Variants in ADAMTS2 observed in about 807,000 individuals in gnomAD.
The protein encoded by ADAMTS2 is A disintegrin and metalloproteinase with thrombospondin motifs 2.
A neutral mutation model predicts 123.0 loss-of-function variants in ADAMTS2; 50 were observed. The observed-to-expected ratio is 0.41, with a 90% CI of 0.32 to 0.51. ADAMTS2 has a LOEUF of 0.51. Among genes scored for constraint, ADAMTS2 ranks in the 20% least tolerant of loss-of-function variants. The pLI is 0.35. For missense variants in ADAMTS2, 1,494 were observed against 1,705.2 expected (o/e 0.88, Z 2.18); for synonymous variants, 678 against 695.4 (o/e 0.98, Z 0.39).
chr5:179,165,627 C>A (rs894945751), intron 5 of ADAMTS2, among the ~76,000 whole-genome samples: 4 of 152,160 alleles, frequency 2.6e-5, no homozygotes, highest in Non-Finnish European at 5.9e-5. Context: ...GGGGCAGCCG[C>A]GGGCACCCAG....
intron 2 of ADAMTS2, among the ~76,000 whole-genome samples, chr5:179,318,110 C>A (rs1014175813): frequency 6.6e-6 from 1 of 152,212 alleles, no homozygotes; most frequent in Admixed American, 6.5e-5. Flanking sequence ...CCAGGAGGAA[C>A]ACAGCAGGCC....
intron 3 of ADAMTS2, among the ~76,000 whole-genome samples, chr5:179,266,019 A>G (rs2113499441): frequency 6.6e-6 from 1 of 152,266 alleles, no homozygotes; most frequent in African/African-American, 2.4e-5. Flanking sequence ...TATGAGAGAG[A>G]GCACCTATCA....
chr5:179,278,247 CG>C (rs1389362315), intron 2 of ADAMTS2, among the ~76,000 whole-genome samples: 3 of 148,498 alleles, frequency 2.0e-5, no homozygotes, highest in Non-Finnish European at 4.5e-5. Flanking sequence ...ATGCTCGGGG[CG>C]GGGGGCACTT....
chr5:179,189,350 AT>A lies in ADAMTS2; in HGVS notation c.892-8196del, dbSNP rs35847485. On this transcript the variant is annotated intron_variant, in intron 4 of 21. Transcript: ENST00000251582. The surrounding 1 kb of genome is among the most constrained non-coding windows in gnomAD (Gnocchi z 4.2). Reference sequence around the variant, plus strand: ...GGGATAGACGGTGGAGTTAGGAGCAATTTTTTTTTTTTTTTGAGACGGAGTC... The same window carrying A: ...GGGATAGACGGTGGAGTTAGGAGCAATTTTTTTTTTTTTTGAGACGGAGTC... Among the ~76,000 whole-genome samples the A allele has an allele frequency of 0.11, 16,035 of 141,514 alleles. 887 individuals carry two copies. Among genetic ancestry groups the A allele is most frequent in the Middle Eastern group, 0.15 (42 of 278 alleles). The allele number at this position is 141,514 out of a possible 152,430, so 92.8% of individuals were successfully genotyped here. A position where few individuals can be genotyped will look rare whatever the true frequency, so the allele number is the denominator to read the frequency against.
rs570093503 is a variant in ADAMTS2 at position 179,227,900 on chromosome 5, G to C, written c.689-20185C>G. ...GCCAGGAAGGAGGGTGGAAGGCAGG[G>C]GAGGCAGCGTGTGGACAAAGACTGA... On this transcript the variant is annotated intron_variant, in intron 3 of 21. Coordinates refer to ENST00000251582, the MANE Select transcript of ADAMTS2 (RefSeq NM_014244.5). Among the ~76,000 whole-genome samples, 6 of 152,282 alleles carry C rather than the reference G, an allele frequency of 3.9e-5. No homozygotes were observed. In the South Asian group the frequency reaches 1.2e-3, roughly 32 times the overall value.
At chr5:179,213,561 T>C (rs1386142826) in intron 3 of ADAMTS2, among the ~76,000 whole-genome samples, 4 of 151,832 alleles carry the variant, frequency 2.6e-5, no homozygotes, top group South Asian at 2.1e-4. Context: ...GGAACTGGGA[T>C]AGAAGGAGAG....
At chr5:179,236,016 C>T (rs981911892) in intron 3 of ADAMTS2, among the ~76,000 whole-genome samples, 5 of 152,248 alleles carry the variant, frequency 3.3e-5, no homozygotes, top group Non-Finnish European at 5.9e-5. Context: ...TCCCTCCCAT[C>T]CCAGCCCTGA....
intron 8 of ADAMTS2, 97 bp downstream of exon 8, chr5:179,153,952 C>G: frequency 6.7e-7 from 1 of 1,488,686 alleles, no homozygotes; most frequent in Non-Finnish European, 9.0e-7. Context: ...GACCTGAGGT[C>G]GGAGGGCTCT....
chr5:179,131,462 G>A (rs918181472), intron 15 of ADAMTS2, among the ~76,000 whole-genome samples: 13 of 152,136 alleles, frequency 8.5e-5, no homozygotes, highest in Non-Finnish European at 1.9e-4. Flanking sequence ...GCTGGTCCAC[G>A]GCAGCGTGGG....
rs111827409 is a variant in ADAMTS2, at chr5:179,159,944, T to C, written c.976-1065A>G. 9.8e-4 allele frequency among the ~76,000 whole-genome samples: 150 copies of C among 152,304 alleles called. 1 individual carries two copies. The highest frequency in any genetic ancestry group is 3.5e-3 in the African/African-American group (146 of 41,548). The stretch of plus-strand genomic sequence containing the variant: ...CTCCACAATCCTCACAGCAGGCATT[T>C]TGGTTTCTGTTCTCACCATAGACTC... On this transcript the variant is annotated intron_variant, in intron 5 of 21. Coordinates refer to ENST00000251582, the MANE Select transcript of ADAMTS2 (RefSeq NM_014244.5).
intron 3 of ADAMTS2, among the ~76,000 whole-genome samples, chr5:179,267,426 G>A (rs1766404345): frequency 1.3e-5 from 2 of 152,260 alleles, no homozygotes. Context: ...AGCAGGCAGA[G>A]GCTTGGCACC....
intron 3 of ADAMTS2, among the ~76,000 whole-genome samples, chr5:179,231,388 C>T (rs141286209): frequency 1.8e-4 from 27 of 152,238 alleles, no homozygotes; most frequent in Middle Eastern, 6.8e-3. Context: ...TCTGAGCTCA[C>T]GTTAAGTGTT....
intron 2 of ADAMTS2, among the ~76,000 whole-genome samples, chr5:179,340,033 C>G (rs1757729580): frequency 6.6e-6 from 1 of 152,262 alleles, no homozygotes; most frequent in Non-Finnish European, 1.5e-5. Context: ...TGAAAGGCAG[C>G]AGCCCTGGAT....
chr5:179,313,115 G>C (rs1581266419), intron 2 of ADAMTS2, among the ~76,000 whole-genome samples: 1 of 152,230 alleles, frequency 6.6e-6, no homozygotes, highest in Non-Finnish European at 1.5e-5. Flanking sequence ...GGACTTCATG[G>C]CAACCCCAGA....
chr5:179,233,023 C>T (rs562522670), intron 3 of ADAMTS2, among the ~76,000 whole-genome samples: 1 of 152,278 alleles, frequency 6.6e-6, no homozygotes, highest in African/African-American at 2.4e-5. Flanking sequence ...AGGCGTTCAC[C>T]CTTCAAACTC....
intron 2 of ADAMTS2, among the ~76,000 whole-genome samples, chr5:179,274,161 T>G (rs1464155312): frequency 1.3e-5 from 2 of 151,726 alleles, no homozygotes; most frequent in African/African-American, 4.8e-5. Flanking sequence ...TCCAGCCTGC[T>G]GGCACCATCA....
At chr5:179,319,412 G>A (rs1757095182) in intron 2 of ADAMTS2, among the ~76,000 whole-genome samples, 2 of 151,892 alleles carry the variant, frequency 1.3e-5, no homozygotes, top group Admixed American at 6.5e-5. Flanking sequence ...ACACATGCAT[G>A]CATCAAGCAC....
chr5:179,295,763 G>A (rs887320536), intron 2 of ADAMTS2, among the ~76,000 whole-genome samples: 6 of 152,192 alleles, frequency 3.9e-5, no homozygotes, highest in Admixed American at 2.0e-4. Context: ...AGTGAGAGTC[G>A]GGGTGGGAGG....
chr5:179,214,028 G>A (rs935035374), intron 3 of ADAMTS2, among the ~76,000 whole-genome samples: 2 of 152,176 alleles, frequency 1.3e-5, no homozygotes, highest in African/African-American at 2.4e-5. Context: ...AGCACACACG[G>A]GAGAAGTTCC....
Sources: gnomAD v4.1 joint callset for allele counts (sites outside exome capture counted in the v4.1 genomes callset) on GRCh38, gnomAD v4.1.1 for gene constraint, Gnocchi (gnomAD v3.1) non-coding constraint, MANE v1.5 for transcripts, NCBI Gene and HGNC (gene_info 2026-07-23, HGNC 2026-07-21) for gene names.